Variants in RRM2 observed in about 807,000 individuals in gnomAD.
RRM2 encodes ribonucleotide reductase regulatory subunit M2.
RRM2 carries 6 observed loss-of-function variants against 45.9 expected under a neutral mutation model. The observed-to-expected ratio is 0.13, with a 90% CI of 0.07 to 0.26. RRM2 has a LOEUF of 0.26. RRM2 is among the 10% of genes least tolerant of loss of function. The pLI is 1.00. For missense variants in RRM2, 343 were observed against 489.5 expected (o/e 0.70, Z 2.82); for synonymous variants, 177 against 173.0 (o/e 1.02, Z -0.18).
At chr2:10,139,880 A>G (rs1348922113), upstream of RRM2, among the ~76,000 whole-genome samples, 1 of 152,220 alleles carries the variant, frequency 6.6e-6, no homozygotes, top group African/African-American at 2.4e-5. Context: ...AGCAGGGGTC[A>G]GGAAATAGCC....
intron 3 of RRM2, among the ~76,000 whole-genome samples, chr2:10,180,508 G>T (rs1219239251): frequency 6.6e-6 from 1 of 152,202 alleles, no homozygotes; most frequent in African/African-American, 2.4e-5. Context: ...TCAAATGTCA[G>T]CCACTGCCTC....
intron 3 of RRM2, among the ~76,000 whole-genome samples, chr2:10,180,913 C>T (rs1199551463): frequency 2.0e-5 from 3 of 152,070 alleles, no homozygotes; most frequent in Admixed American, 1.3e-4. Flanking sequence ...ACTGCAGGCA[C>T]GCACCACCAT....
At chr2:10,146,373 C>CT (rs539217330) in intron 3 of RRM2, among the ~76,000 whole-genome samples, 26 of 152,320 alleles carry the variant, frequency 1.7e-4, no homozygotes, top group African/African-American at 6.3e-4. Flanking sequence ...GGAGAAGGGA[C>CT]TTAGAGACCC....
chr2:10,173,271 C>T (rs371710426), intron 3 of RRM2, among the ~76,000 whole-genome samples: 1 of 152,214 alleles, frequency 6.6e-6, no homozygotes, highest in East Asian at 1.9e-4. Flanking sequence ...TTTCTCTTCT[C>T]TCTTTGCCGT....
chr2:10,165,202 C>T (rs1364950366), intron 3 of RRM2, among the ~76,000 whole-genome samples: 1 of 152,224 alleles, frequency 6.6e-6, no homozygotes, highest in Non-Finnish European at 1.5e-5. Flanking sequence ...CCGGCTGCCT[C>T]GACCTCCCAA....
chr2:10,203,377 G>T, intron 3 of RRM2, among the ~76,000 whole-genome samples: 1 of 152,090 alleles, frequency 6.6e-6, no homozygotes, highest in Non-Finnish European at 1.5e-5. Flanking sequence ...CCCATGCCTT[G>T]GTTTCCTCAA....
At chr2:10,168,118 A>G (rs1387514543) in intron 3 of RRM2, among the ~76,000 whole-genome samples, 1 of 142,264 alleles carries the variant, frequency 7.0e-6, no homozygotes, top group African/African-American at 2.7e-5. Flanking sequence ...GTTTCCCCTT[A>G]GTAGTTTTTC....
intron 3 of RRM2, among the ~76,000 whole-genome samples, chr2:10,190,322 ATG>A (rs2125328651): frequency 1.2e-5 from 1 of 80,708 alleles, no homozygotes; most frequent in South Asian, 4.9e-4. Flanking sequence ...TGATGATGTG[ATG>A]GTGGTGGTGA....
At chr2:10,145,610 G>C (rs374483443) in intron 3 of RRM2, 1 of 152,336 alleles carries the variant, frequency 6.6e-6, no homozygotes, top group African/African-American at 2.4e-5. Flanking sequence ...AGGATGAGAC[G>C]TGGGTGCCAG....
intron 3 of RRM2, among the ~76,000 whole-genome samples, chr2:10,162,635 C>T (rs1663586886): frequency 1.3e-5 from 2 of 152,134 alleles, no homozygotes; most frequent in African/African-American, 4.8e-5. Flanking sequence ...CGTGAGTTAG[C>T]CTTAGAGTCA....
At chr2:10,186,697 G>T (rs1442226368) in intron 3 of RRM2, among the ~76,000 whole-genome samples, 1 of 152,226 alleles carries the variant, frequency 6.6e-6, no homozygotes, top group Non-Finnish European at 1.5e-5. Context: ...TACATGGAAG[G>T]GACTTAGCGT....
chr2:10,126,861 T>C lies in RRM2; in HGVS notation c.570-14T>C. 1 of 1,604,558 alleles carries C rather than the reference T, an allele frequency of 6.2e-7. No individual in the cohort carries two copies. Among genetic ancestry groups the C allele is most frequent in the Non-Finnish European group, 8.5e-7 (1 of 1,172,542 alleles). On this transcript the variant is annotated splice_polypyrimidine_tract_variant and intron_variant, in intron 5 of 9. Coordinates refer to ENST00000304567, the MANE Select transcript of RRM2 (RefSeq NM_001034.4). ...TGTAATGCTTCAATTGCTGATACCGTATGTGCCTACTAGGGAATTTCTCTT... is the reference window on the plus strand; with the variant it reads ...TGTAATGCTTCAATTGCTGATACCGCATGTGCCTACTAGGGAATTTCTCTT...
intron 3 of RRM2, among the ~76,000 whole-genome samples, chr2:10,153,383 G>T (rs925698811): frequency 2.0e-5 from 3 of 152,080 alleles, no homozygotes; most frequent in African/African-American, 4.8e-5. Context: ...TTTCTTCTAG[G>T]TACTTCATAG....
chr2:10,124,610 G>T, intron 4 of RRM2, 107 bp from the exon 5 acceptor site: 1 of 1,235,912 alleles, frequency 8.1e-7, no homozygotes, highest in Non-Finnish European at 1.1e-6. Flanking sequence ...AATATATATA[G>T]AAATAAACCT....
chr2:10,174,836 C>A (rs1663879353), intron 3 of RRM2, among the ~76,000 whole-genome samples: 1 of 150,546 alleles, frequency 6.6e-6, no homozygotes, highest in African/African-American at 2.4e-5. Context: ...CACTGCTTTC[C>A]AGCCTGGGTG....
At chr2:10,128,080 G>A (rs996819312) in intron 7 of RRM2, among the ~76,000 whole-genome samples, 2 of 152,116 alleles carry the variant, frequency 1.3e-5, no homozygotes, top group African/African-American at 2.4e-5. Flanking sequence ...TAGGAGAATC[G>A]CCTGAACCTG....
chr2:10,143,088 T>C (rs903898666), intron 3 of RRM2, among the ~76,000 whole-genome samples: 1 of 152,222 alleles, frequency 6.6e-6, no homozygotes, highest in African/African-American at 2.4e-5. Flanking sequence ...TTAGCCAGGA[T>C]GGTCTTGATC....
exon 4 of RRM2, chr2:10,210,362 C>A: frequency 1.5e-6 from 2 of 1,367,606 alleles, no homozygotes; most frequent in Non-Finnish European, 2.0e-6. Context: ...AGAAGCCCAG[C>A]CCTCATTGTG....
At chr2:10,135,125 C>G (rs1033058084), downstream of RRM2, among the ~76,000 whole-genome samples, 1 of 152,170 alleles carries the variant, frequency 6.6e-6, no homozygotes, top group Non-Finnish European at 1.5e-5. Flanking sequence ...ATTCACATCC[C>G]CAAGCCAAAA....
Sources: allele counts gnomAD v4.1 joint callset (sites outside exome capture counted in the v4.1 genomes callset), GRCh38; gene constraint gnomAD v4.1.1; transcripts MANE v1.5; gene names NCBI Gene and HGNC (gene_info 2026-07-23, HGNC 2026-07-21).